Variants in MRE11 observed in about 807,000 individuals in gnomAD.
The protein encoded by MRE11 is double-strand break repair protein MRE11.
A neutral mutation model predicts 91.7 loss-of-function variants in MRE11; 62 were observed. That is an observed-to-expected ratio of 0.68 (90% CI 0.55 to 0.84). MRE11 has a LOEUF of 0.84. Ranked by LOEUF, MRE11 falls within the 40% of genes least tolerant of loss-of-function variation. The pLI, the probability that MRE11 is intolerant of heterozygous loss-of-function variation, is 0.00. For synonymous variants in MRE11, 273 were observed against 271.4 expected (o/e 1.01, Z -0.06); for missense variants, 796 against 852.9 (o/e 0.93, Z 0.83).
intron 16 of MRE11, among the ~76,000 whole-genome samples, chr11:94,439,743 A>G (rs949720554): frequency 6.6e-6 from 1 of 152,216 alleles, no homozygotes; most frequent in Non-Finnish European, 1.5e-5. Flanking sequence ...AGGTGGACGC[A>G]ATCATTGTCC....
At chr11:94,429,839 C>T in intron 19 of MRE11, 72 bp downstream of exon 19, 1 of 1,322,522 alleles carries the variant, frequency 7.6e-7, no homozygotes, top group South Asian at 1.4e-5. Flanking sequence ...AGTTCAGCAA[C>T]TAGCTGGCAG....
At position 94,420,071 on chromosome 11, in the gene MRE11, G is replaced by GC. The variant is rs2134732761; in HGVS notation, c.*53_*54insG. On this transcript the variant is annotated 3_prime_UTR_variant, in exon 20 of 20. Coordinates refer to ENST00000323929, the MANE Select transcript of MRE11 (RefSeq NM_005591.4). Reference sequence around the variant, plus strand: ...ATCTTAAACTGTAAACTCTTAGCTTGTAACATTTTCATTTTTCCTGTATCT... The same window carrying GC: ...ATCTTAAACTGTAAACTCTTAGCTTGCTAACATTTTCATTTTTCCTGTATCT... 1.4e-6 allele frequency: 2 copies of GC among 1,389,652 alleles called. No homozygotes were observed. Among genetic ancestry groups the GC allele is most frequent in the East Asian group, 4.6e-5 (2 of 43,406 alleles). The allele number at this position is 1,389,652 out of a possible 1,614,324, so 86.1% of individuals were successfully genotyped here.
intron 13 of MRE11, 92 bp from the exon 14 acceptor site, chr11:94,456,430 T>A: frequency 1.0e-6 from 1 of 999,222 alleles, no homozygotes. Flanking sequence ...TGCTTTATGT[T>A]ATAAAACTTG....
At chr11:94,480,759 T>C (rs1331303469) in intron 4 of MRE11, among the ~76,000 whole-genome samples, 2 of 152,200 alleles carry the variant, frequency 1.3e-5, no homozygotes, top group East Asian at 3.8e-4. Context: ...CTCTTAAATC[T>C]ATGCTAGCAG....
At position 94,418,381 on chromosome 11, in the gene MRE11, A is replaced by T. The variant is rs1265970804; in HGVS notation, c.*1744T>A. On this transcript the variant is annotated 3_prime_UTR_variant, in exon 20 of 20. Coordinates refer to ENST00000323929, the MANE Select transcript of MRE11 (RefSeq NM_005591.4). Reference sequence around the variant, plus strand: ...GTACCTCTTTTCACAGCCAAGAGCAATTTTTTTTTTTTTAAGGAAAAAAAC... The same window carrying T: ...GTACCTCTTTTCACAGCCAAGAGCATTTTTTTTTTTTTTAAGGAAAAAAAC... 6 of 215,384 alleles carry T rather than the reference A, an allele frequency of 2.8e-5. No homozygotes were observed. Among genetic ancestry groups the T allele is most frequent in the African/African-American group, 4.6e-5 (2 of 43,066 alleles). The allele number at this position is 215,384 out of a possible 1,614,324, so 13.3% of individuals were successfully genotyped here.
intron 16 of MRE11, among the ~76,000 whole-genome samples, chr11:94,438,435 G>GA (rs1209087316): frequency 2.0e-5 from 3 of 152,208 alleles, no homozygotes; most frequent in Non-Finnish European, 2.9e-5. Flanking sequence ...ACGAGAGGCA[G>GA]AAACAGTGTT....
chr11:94,430,939 A>C (rs1280237410), intron 18 of MRE11, among the ~76,000 whole-genome samples: 1 of 152,128 alleles, frequency 6.6e-6, no homozygotes, highest in African/African-American at 2.4e-5. Flanking sequence ...AAATGGTTAC[A>C]TTTTAAATGG....
chr11:94,484,612 C>T (rs764540642), intron 4 of MRE11, among the ~76,000 whole-genome samples: 29 of 152,080 alleles, frequency 1.9e-4, no homozygotes, highest in Non-Finnish European at 2.8e-4. Flanking sequence ...CTGGCAGAGA[C>T]CAGCTTAACC....
intron 2 of MRE11, 89 bp from the exon 3 acceptor site, chr11:94,491,054 A>T: frequency 1.2e-6 from 1 of 840,924 alleles, no homozygotes; most frequent in Non-Finnish European, 1.9e-6. Context: ...AAAATAAATA[A>T]TAACAGTTAT....
At chr11:94,488,482 T>C (rs993600398) in intron 3 of MRE11, among the ~76,000 whole-genome samples, 2 of 152,162 alleles carry the variant, frequency 1.3e-5, no homozygotes, top group African/African-American at 2.4e-5. Flanking sequence ...TAAATCATTC[T>C]ACCACAAAGA....
chr11:94,444,802 A>C (rs917776544), intron 16 of MRE11, among the ~76,000 whole-genome samples: 1 of 151,982 alleles, frequency 6.6e-6, no homozygotes, highest in South Asian at 2.1e-4. Flanking sequence ...AATCCTAGCT[A>C]TAAGATTATA....
rs779409748 is a variant in MRE11, at chr11:94,420,166, G to GATC, written c.2083_2085dup (p.Asp695dup). 30 of 1,582,094 alleles carry GATC rather than the reference G, an allele frequency of 1.9e-5. No individual in the cohort carries two copies. The Admixed American group carries it at 2.7e-4, about 14-fold the overall frequency. On this transcript the variant is annotated inframe_insertion, in exon 20 of 20. Coordinates refer to ENST00000323929, the MANE Select transcript of MRE11 (RefSeq NM_005591.4). ...CTTAAAGAACTAGTGTTCATAAAAG[G>GATC]ATCATCATCATCATCCTGAAATGAG... is the stretch of plus-strand genomic sequence containing the variant.
intron 17 of MRE11, 86 bp downstream of exon 17, chr11:94,437,091 A>T: frequency 8.2e-7 from 1 of 1,213,078 alleles, no homozygotes; most frequent in Non-Finnish European, 1.2e-6. Flanking sequence ...TTCTTCTTTT[A>T]TTTACTTTGT....
chr11:94,511,951 C>G, the MRE11 span, among the ~76,000 whole-genome samples: 1 of 152,248 alleles, frequency 6.6e-6, no homozygotes, highest in Non-Finnish European at 1.5e-5. Context: ...CTACAATGTG[C>G]TTAATATAAT....
intron 2 of MRE11, among the ~76,000 whole-genome samples, chr11:94,491,306 T>A (rs992979044): frequency 1.3e-5 from 2 of 152,206 alleles, no homozygotes; most frequent in African/African-American, 4.8e-5. Flanking sequence ...TTGTTATTTA[T>A]CTGACTTCGT....
At chr11:94,496,182 A>G (rs1273451713), upstream of MRE11, among the ~76,000 whole-genome samples, 1 of 152,152 alleles carries the variant, frequency 6.6e-6, no homozygotes, top group African/African-American at 2.4e-5. Context: ...AGAATCCCTG[A>G]TTCTTCGAAA....
upstream of MRE11, chr11:94,496,759 A>G: frequency 1.9e-6 from 3 of 1,612,700 alleles, no homozygotes; most frequent in Non-Finnish European, 2.5e-6. Flanking sequence ...ATTTTTCTGA[A>G]CACTTTAACC....
chr11:94,465,409 T>G (rs933751183), intron 10 of MRE11, among the ~76,000 whole-genome samples: 7 of 149,720 alleles, frequency 4.7e-5, no homozygotes, highest in African/African-American at 1.7e-4. Flanking sequence ...TTTTTTTTTT[T>G]TTTTTTGAGA....
At chr11:94,476,799 C>T (rs1946873004) in intron 6 of MRE11, among the ~76,000 whole-genome samples, 1 of 152,066 alleles carries the variant, frequency 6.6e-6, no homozygotes, top group African/African-American at 2.4e-5. Flanking sequence ...CAGCTCACTG[C>T]AACCTTCACC....
Sources: allele counts gnomAD v4.1 joint callset (sites outside exome capture counted in the v4.1 genomes callset), GRCh38; gene constraint gnomAD v4.1.1; transcripts MANE v1.5; gene names NCBI Gene and HGNC (gene_info 2026-07-23, HGNC 2026-07-21).